The following RBMX variants were observed in gnomAD, a reference collection of about 807,000 sequenced individuals.
RBMX encodes RNA binding motif protein X-linked.
A neutral mutation model predicts 29.3 loss-of-function variants in RBMX; 1 was observed. That is an observed-to-expected ratio of 0.03 (90% CI 0.01 to 0.16). The LOEUF (loss-of-function observed/expected upper bound fraction) is 0.16. RBMX is among the 10% of genes least tolerant of loss of function. RBMX has a pLI of 1.00. For missense variants in RBMX, 121 were observed against 333.2 expected (o/e 0.36, Z 4.96); for synonymous variants, 102 against 102.3 (o/e 1.00, Z 0.02).
intron 1 of RBMX, among the ~76,000 whole-genome samples, chrX:136,879,666 G>A (rs182045297): frequency 8.9e-6 from 1 of 111,830 alleles, no homozygotes; most frequent in African/African-American, 3.3e-5. Flanking sequence ...GGTTAAAAGG[G>A]CCAACTTAAC....
chrX:136,879,193 A>C, intron 2 of RBMX, 70 bp from the exon 3 acceptor site: 1 of 1,207,013 alleles, frequency 8.3e-7, no homozygotes. Context: ...TAAATGTGTA[A>C]ACAGAAAGCT....
chrX:136,875,246 A>C lies in RBMX; in HGVS notation c.782+12T>G. On this transcript the variant is annotated intron_variant, in intron 7 of 8. Coordinates refer to ENST00000320676, the MANE Select transcript of RBMX (RefSeq NM_002139.4). ...TTTCTTACATGTAAGCCACAGAAGCAAAGTCACTTACCTATATCCTCTTGA... is the reference window on the plus strand; with the variant it reads ...TTTCTTACATGTAAGCCACAGAAGCCAAGTCACTTACCTATATCCTCTTGA... 1 of 1,211,129 alleles carries C rather than the reference A, an allele frequency of 8.3e-7. No homozygotes were observed. The highest frequency in any genetic ancestry group is 1.1e-6 in the Non-Finnish European group (1 of 895,086).
chrX:136,878,265 A>C (rs5975815), intron 3 of RBMX, among the ~76,000 whole-genome samples, 179 bp from the exon 4 acceptor site: 1,804 of 111,308 alleles, frequency 0.016, 28 homozygotes, highest in African/African-American at 0.055. Flanking sequence ...TCCGCTTAAA[A>C]TTCTTAATAC....
intron 8 of RBMX, 128 bp from the exon 9 acceptor site, chrX:136,874,580 C>T (rs2077709576): frequency 3.8e-6 from 3 of 798,559 alleles, no homozygotes; most frequent in Non-Finnish European, 3.5e-6. Flanking sequence ...GTTTTAAACT[C>T]TGCCATTGCT....
At chrX:136,877,478 G>C (rs1417224987) in intron 4 of RBMX, among the ~76,000 whole-genome samples, 1 of 101,635 alleles carries the variant, frequency 9.8e-6, no homozygotes, top group African/African-American at 3.6e-5. Context: ...TTGAGAGGGA[G>C]TCTCGCTGTT....
At chrX:136,878,202 T>C in intron 3 of RBMX, 116 bp from the exon 4 acceptor site, 1 of 650,235 alleles carries the variant, frequency 1.5e-6, no homozygotes, top group Non-Finnish European at 2.2e-6. Flanking sequence ...GTGTTGCTCA[T>C]TAGTCTAAGA....
intron 4 of RBMX, among the ~76,000 whole-genome samples, 185 bp from the exon 5 acceptor site, chrX:136,876,840 T>C (rs1447996063): frequency 9.5e-6 from 1 of 105,330 alleles, no homozygotes; most frequent in Non-Finnish European, 1.9e-5. Context: ...CCCGAGTAGC[T>C]GGGATTACAG....
At chrX:136,878,126 A>G (rs1473877678) in intron 3 of RBMX, 40 bp from the exon 4 acceptor site, 1 of 1,085,809 alleles carries the variant, frequency 9.2e-7, no homozygotes, top group Admixed American at 2.8e-5. Flanking sequence ...CAAGATTTAA[A>G]AATAATTTGC....
chrX:136,872,436 A>C, downstream of RBMX: 1 of 798,032 alleles, frequency 1.3e-6, no homozygotes, highest in Middle Eastern at 3.5e-4. Flanking sequence ...CCAGAAAGAA[A>C]AGGCAAGTTC....
At chrX:136,876,003 C>T (rs1224051424) in intron 5 of RBMX, among the ~76,000 whole-genome samples, 1 of 110,510 alleles carries the variant, frequency 9.0e-6, no homozygotes, top group South Asian at 3.8e-4. Flanking sequence ...GGTTTCACCA[C>T]GTTGGCCAGA....
rs2077700891 is a variant in RBMX at position 136,873,873 on chromosome X, A to C, written c.*269T>G. The C allele has an allele frequency of 1.1e-6, 1 of 939,169 alleles. No individual in the cohort carries two copies. Among genetic ancestry groups the C allele is most frequent in the Non-Finnish European group, 1.3e-6 (1 of 756,914 alleles). The allele number at this position is 939,169 out of a possible 1,213,427, so 77.4% of individuals were successfully genotyped here. ...TCAGATAGGAAGTGGCCTTTAGGGG[A>C]TACTTTTACTTGGAAAGTTACAACA... On this transcript the variant is annotated 3_prime_UTR_variant, in exon 9 of 9. Transcript: ENST00000320676.
chrX:136,876,955 G>A (rs1020923010), intron 4 of RBMX, among the ~76,000 whole-genome samples: 2 of 105,864 alleles, frequency 1.9e-5, no homozygotes, highest in East Asian at 3.1e-4. Context: ...CTTGTGATCC[G>A]CCTGCCTCAG....
intron 8 of RBMX, 49 bp downstream of exon 8, chrX:136,875,037 C>T: frequency 8.3e-7 from 1 of 1,201,510 alleles, no homozygotes; most frequent in Non-Finnish European, 1.1e-6. Flanking sequence ...GGCTCACGAA[C>T]CTAAAAACTC....
chrX:136,878,188 G>C, intron 3 of RBMX, 102 bp from the exon 4 acceptor site: 1 of 735,167 alleles, frequency 1.4e-6, no homozygotes, highest in African/African-American at 2.1e-5. Flanking sequence ...GCAGTTATGG[G>C]TAAGTGTTGC....
At chrX:136,877,339 C>A (rs1251447068) in intron 4 of RBMX, among the ~76,000 whole-genome samples, 3 of 86,047 alleles carry the variant, frequency 3.5e-5, no homozygotes, top group African/African-American at 1.3e-4. Context: ...CCCCCCCCCC[C>A]CCAAAAAAAA....
At chrX:136,878,616 ATG>A (rs1392592517) in intron 3 of RBMX, among the ~76,000 whole-genome samples, 39 of 62,790 alleles carry the variant, frequency 6.2e-4, no homozygotes, top group African/African-American at 2.6e-3. Context: ...GTGGTCGCGC[ATG>A]CCTGTAATCC....
chrX:136,873,599 C>T lies in RBMX; in HGVS notation c.*543G>A. 1.3e-6 allele frequency: 1 copy of T among 755,564 alleles called. No individual in the cohort carries two copies. Among genetic ancestry groups the T allele is most frequent in the South Asian group, 6.7e-5 (1 of 14,916 alleles). 62.3% of individuals were successfully genotyped at this position (755,564 alleles called of 1,213,427 possible). ...AGAAAGGCAAAATGGCCAGCATTAT[C>T]CATTTGCTTTTTTGGGTTTACTGGG... On this transcript the variant is annotated 3_prime_UTR_variant, in exon 9 of 9. Transcript: ENST00000320676.
chrX:136,878,150 A>T (rs754222191), intron 3 of RBMX, 64 bp from the exon 4 acceptor site: 1 of 940,379 alleles, frequency 1.1e-6, no homozygotes, highest in African/African-American at 2.0e-5. Flanking sequence ...TCTACTATGC[A>T]CTAAGACACT....
downstream of RBMX, among the ~76,000 whole-genome samples, chrX:136,871,804 G>A (rs990145465): frequency 3.3e-5 from 3 of 90,716 alleles, no homozygotes; most frequent in Non-Finnish European, 4.5e-5. Context: ...ACACCACCAC[G>A]CCCGGTGTTT....
Sources: allele counts gnomAD v4.1 joint callset (sites outside exome capture counted in the v4.1 genomes callset), GRCh38; gene constraint gnomAD v4.1.1; transcripts MANE v1.5; gene names NCBI Gene and HGNC (gene_info 2026-07-23, HGNC 2026-07-21).